Variants in GLT6D1 observed in about 807,000 individuals in gnomAD.
GLT6D1 encodes glycosyltransferase 6 domain containing 1.
In GLT6D1, 9 loss-of-function variants were observed where a neutral mutation model predicts 12.3. The observed-to-expected ratio is 0.73, with a 90% CI of 0.44 to 1.27. The LOEUF (loss-of-function observed/expected upper bound fraction) is 1.27, where lower values mean the gene tolerates loss of function less well. Among genes scored for constraint, GLT6D1 ranks in the 50% most tolerant of loss-of-function variants. The pLI is 0.00. For synonymous variants in GLT6D1, 128 were observed against 132.3 expected (o/e 0.97, Z 0.23); for missense variants, 335 against 346.2 (o/e 0.97, Z 0.26).
intron 2 of GLT6D1, among the ~76,000 whole-genome samples, chr9:135,632,960 G>A (rs114475290): frequency 5.1e-4 from 77 of 152,052 alleles, no homozygotes; most frequent in African/African-American, 1.7e-3. Flanking sequence ...GAGCCACCAC[G>A]CACGGCCTGT....
rs563896825 is a variant in GLT6D1 at position 135,639,354 on chromosome 9, T to G, written c.-68A>C. 2 of 524,744 alleles carry G rather than the reference T, an allele frequency of 3.8e-6. No individual in the cohort carries two copies. The highest frequency in any genetic ancestry group is 3.9e-5 in the African/African-American group (2 of 51,666). 32.5% of individuals were successfully genotyped at this position (524,744 alleles called of 1,614,324 possible). A position where few individuals can be genotyped will look rare whatever the true frequency, so the allele number is the denominator to read the frequency against. On this transcript the variant is annotated 5_prime_UTR_variant, in exon 1 of 5. Coordinates refer to ENST00000371763, the MANE Select transcript of GLT6D1 (RefSeq NM_182974.3). ...GACAGCGACTTGAGTTAGGGAAGCC[T>G]CTGTTCTCCTTCAAGTGCCCGGGGC... is the stretch of plus-strand genomic sequence containing the variant.
At chr9:135,639,272 G>A in intron 1 of GLT6D1, 21 bp downstream of exon 1, 12 of 769,100 alleles carry the variant, frequency 1.6e-5, no homozygotes, top group Admixed American at 4.8e-5. Context: ...ATGGGTTAAT[G>A]TATGGGCATT....
At chr9:135,637,171 T>A (rs963055921) in intron 2 of GLT6D1, among the ~76,000 whole-genome samples, 1 of 151,696 alleles carries the variant, frequency 6.6e-6, no homozygotes, top group Non-Finnish European at 1.5e-5. Flanking sequence ...CTTTTTACTG[T>A]TGGGTGTTAT....
chr9:135,629,522 G>A (rs183336117), intron 3 of GLT6D1, among the ~76,000 whole-genome samples: 5 of 152,164 alleles, frequency 3.3e-5, no homozygotes, highest in Non-Finnish European at 4.4e-5. Context: ...AGATTTTATT[G>A]TGCAACATAT....
chr9:135,639,216 T>A lies in GLT6D1; in HGVS notation c.-6-23A>T, dbSNP rs751017986. 9.0e-6 allele frequency: 12 copies of A among 1,336,946 alleles called. No homozygotes were observed. In the East Asian group the frequency reaches 2.1e-4, roughly 23 times the overall value. 82.8% of individuals were successfully genotyped at this position (1,336,946 alleles called of 1,614,324 possible). On this transcript the variant is annotated intron_variant, in intron 1 of 4. Coordinates refer to ENST00000371763, the MANE Select transcript of GLT6D1 (RefSeq NM_182974.3). ...CTCCTAGGGAAAGAAGGAGAAAAAA[T>A]TAGATTTTAAGCAATAAAAAATGAC...
intron 4 of GLT6D1, among the ~76,000 whole-genome samples, chr9:135,625,396 AG>A (rs1405720694): frequency 6.6e-6 from 1 of 152,184 alleles, no homozygotes; most frequent in Non-Finnish European, 1.5e-5. Flanking sequence ...TCCAAGACAA[AG>A]GGCCTTAAAT....
At position 135,634,442 on chromosome 9, in the gene GLT6D1, C is replaced by CTTTTTTTTT. The variant is rs370291630; in HGVS notation, c.72-2973_72-2965dup. ...CATGCCTGGCCTTGTTTTTCCTTTCCTTTTTTTTTTTTTTTTTTTTTTGGC... is the reference window on the plus strand; with the variant it reads ...CATGCCTGGCCTTGTTTTTCCTTTCCTTTTTTTTTTTTTTTTTTTTTTTTTTTTTTTGGC... On this transcript the variant is annotated intron_variant, in intron 2 of 4. Transcript: ENST00000371763. Among the ~76,000 whole-genome samples the CTTTTTTTTT allele has an allele frequency of 5.5e-3, 303 of 54,790 alleles. 6 individuals carry two copies. Among genetic ancestry groups the CTTTTTTTTT allele is most frequent in the Middle Eastern group, 0.017 (1 of 58 alleles). 35.9% of individuals were successfully genotyped at this position (54,790 alleles called of 152,430 possible).
chr9:135,625,983 T>C, intron 4 of GLT6D1, 86 bp downstream of exon 4: 4 of 1,435,414 alleles, frequency 2.8e-6, no homozygotes, highest in Non-Finnish European at 2.9e-6. Context: ...TGCTTAATTA[T>C]GGTTGGCTCT....
chr9:135,638,459 T>G (rs1428650945), intron 2 of GLT6D1, among the ~76,000 whole-genome samples: 1 of 152,254 alleles, frequency 6.6e-6, no homozygotes, highest in Admixed American at 6.5e-5. Flanking sequence ...TTTAGTATTA[T>G]TTATATTAAA....
rs1444188202 is a variant in GLT6D1, at chr9:135,624,739, T to TA, written c.258-70_258-69insT. 4 of 1,064,880 alleles carry TA rather than the reference T, an allele frequency of 3.8e-6. No individual in the cohort carries two copies. In the African/African-American group the frequency reaches 7.0e-5, roughly 19 times the overall value. The allele number at this position is 1,064,880 out of a possible 1,614,324, so 66.0% of individuals were successfully genotyped here. On this transcript the variant is annotated intron_variant, in intron 4 of 4. Transcript: ENST00000371763. ...TCTTTTCTTTCTTTTTTTTTTTTTT[T>TA]TTTTTTTTGAGATGGAGTCTCCCTC...
At chr9:135,631,099 T>G (rs546199979) in intron 3 of GLT6D1, among the ~76,000 whole-genome samples, 1 of 152,166 alleles carries the variant, frequency 6.6e-6, no homozygotes, top group East Asian at 1.9e-4. Context: ...CACATACACT[T>G]TACAAAGGAT....
chr9:135,638,247 C>T (rs1169249990), intron 2 of GLT6D1, among the ~76,000 whole-genome samples: 3 of 152,168 alleles, frequency 2.0e-5, no homozygotes, highest in East Asian at 3.8e-4. Flanking sequence ...AAAGACCAGC[C>T]CCCATGATTC....
intron 2 of GLT6D1, among the ~76,000 whole-genome samples, chr9:135,638,617 A>G (rs1833830502): frequency 6.6e-6 from 1 of 152,136 alleles, no homozygotes; most frequent in Non-Finnish European, 1.5e-5. Flanking sequence ...AATAGAATGA[A>G]AGCTCCCTGA....
chr9:135,629,012 G>A (rs1833578766), intron 3 of GLT6D1, among the ~76,000 whole-genome samples: 1 of 151,824 alleles, frequency 6.6e-6, no homozygotes, highest in African/African-American at 2.4e-5. Flanking sequence ...ACCAATTTTG[G>A]TTTTGTTCAT....
chr9:135,631,500 A>G, intron 2 of GLT6D1, 22 bp from the exon 3 acceptor site: 2 of 1,567,582 alleles, frequency 1.3e-6, no homozygotes, highest in Non-Finnish European at 1.8e-6. Flanking sequence ...GAGAAAATCA[A>G]GTGATTGCAA....
At position 135,624,484 on chromosome 9, in the gene GLT6D1, C is replaced by T. The variant is rs775248202; in HGVS notation, c.444G>A (p.Leu148=). 2 of 1,610,296 alleles carry T rather than the reference C, an allele frequency of 1.2e-6. No individual in the cohort carries two copies. Among genetic ancestry groups the T allele is most frequent in the Non-Finnish European group, 1.7e-6 (2 of 1,178,258 alleles). ...GTERWWLDGP[L]VHVKSLGEHI... is the part of the protein sequence containing the mutation. ...GTTCACCCAGGCTCTTCACATGCAC[C>T]AGGGGGCCATCGAGCCACCACCTCT... The change falls in exon 5 of 5, where the codon CTG becomes CTA. Residue 148 remains leucine (L), a synonymous_variant. Transcript: ENST00000371763.
At chr9:135,639,038 T>G in intron 2 of GLT6D1, 79 bp downstream of exon 2, 3 of 797,032 alleles carry the variant, frequency 3.8e-6, no homozygotes, top group Non-Finnish European at 6.0e-6. Context: ...TCTCAAAAAT[T>G]AAATTAATTA....
At chr9:135,626,332 A>G in intron 3 of GLT6D1, 126 bp from the exon 4 acceptor site, 1 of 888,362 alleles carries the variant, frequency 1.1e-6, no homozygotes. Context: ...TGAGTGCATC[A>G]TCCCACTGGA....
At chr9:135,627,323 C>T (rs951234707) in intron 3 of GLT6D1, among the ~76,000 whole-genome samples, 1 of 152,154 alleles carries the variant, frequency 6.6e-6, no homozygotes, top group Non-Finnish European at 1.5e-5. Flanking sequence ...AAATTAATCT[C>T]ATTACTATGA....
Sources: allele counts gnomAD v4.1 joint callset (sites outside exome capture counted in the v4.1 genomes callset), GRCh38; gene constraint gnomAD v4.1.1; transcripts MANE v1.5; gene names NCBI Gene and HGNC (gene_info 2026-07-23, HGNC 2026-07-21).